Variants in LAMA5 observed in about 807,000 individuals in gnomAD.
The protein encoded by LAMA5 is laminin subunit alpha 5, also known as laminin subunit alpha-5.
LAMA5 carries 260 observed loss-of-function variants against 433.4 expected under a neutral mutation model. The observed-to-expected ratio is 0.60, with a 90% CI of 0.54 to 0.66. The LOEUF is 0.66. LAMA5 is among the 30% of genes least tolerant of loss of function. LAMA5 has a pLI of 0.00. For missense variants in LAMA5, 5,378 were observed against 5,258.5 expected, an observed-to-expected ratio of 1.02 and a Z score of -0.70; for synonymous variants, 2,620 against 2,226.6, an observed-to-expected ratio of 1.18 and a Z score of -4.97.
intron 32 of LAMA5, 74 bp from the exon 33 acceptor site, chr20:62,329,327 G>A: frequency 8.7e-7 from 1 of 1,144,394 alleles, no homozygotes; most frequent in East Asian, 2.4e-5. Flanking sequence ...GGCTGGCTGG[G>A]ACCAGGGTCC....
Position 62,345,877 on chromosome 20 carries a change from G to C in LAMA5, c.1418C>G (p.Pro473Arg). The change falls in exon 11 of 80, where the codon CCG becomes CGG. Residue 473 changes from proline to arginine, a missense_variant and splice_region_variant. Transcript: ENST00000252999. Reference protein sequence around the residue: ...EGFTGFPSCYPTPSSSNDTRE... With the variant: ...EGFTGFPSCYRTPSSSNDTRE... ...GGTGTCATTGGAGGACGAGGGCGTCGCTGAGGGGAAGAGACACGCATGTTG... is the reference window on the plus strand; with the variant it reads ...GGTGTCATTGGAGGACGAGGGCGTCCCTGAGGGGAAGAGACACGCATGTTG... 6.4e-7 allele frequency: 1 copy of C among 1,554,060 alleles called. No individual in the cohort carries two copies. Among genetic ancestry groups the C allele is most frequent in the Non-Finnish European group, 8.7e-7 (1 of 1,148,694 alleles).
At chr20:62,332,520 G>A (rs1292257043) in intron 27 of LAMA5, 37 bp downstream of exon 27, 10 of 1,608,184 alleles carry the variant, frequency 6.2e-6, no homozygotes, top group African/African-American at 1.3e-5. Flanking sequence ...GCAGCCCCGG[G>A]CGTGCCCTTA....
At chr20:62,317,595 T>G in intron 54 of LAMA5, 67 bp downstream of exon 54, 1 of 1,517,484 alleles carries the variant, frequency 6.6e-7, no homozygotes, top group Non-Finnish European at 8.9e-7. Flanking sequence ...CACACAAAGC[T>G]GCCCACGGGC....
Position 62,333,485 on chromosome 20 carries a change from C to CAGGGTGGAGGTGGTGCTG in LAMA5, c.3022-22_3022-5dup, listed in dbSNP as rs746161551. Reference sequence around the variant, plus strand: ...TAGGCAGCAGAACCACGTAGTCCTGCAGGGTGGAGGTGGTGCTGAGAGTGG... The same window carrying CAGGGTGGAGGTGGTGCTG: ...TAGGCAGCAGAACCACGTAGTCCTGCAGGGTGGAGGTGGTGCTGAGGGTGGAGGTGGTGCTGAGAGTGG... On this transcript the variant is annotated splice_region_variant and splice_polypyrimidine_tract_variant and intron_variant, in intron 24 of 79. Coordinates refer to ENST00000252999, the MANE Select transcript of LAMA5 (RefSeq NM_005560.6). 2.5e-6 allele frequency: 4 copies of CAGGGTGGAGGTGGTGCTG among 1,610,304 alleles called. No homozygotes were observed. The highest frequency in any genetic ancestry group is 2.2e-5 in the East Asian group (1 of 44,760).
In LAMA5 at chr20:62,316,082, C is replaced by G. The variant is rs751598864; in HGVS notation, c.7757-24G>C. 5 of 1,546,608 alleles carry G rather than the reference C, an allele frequency of 3.2e-6. No homozygotes were observed. The Admixed American group carries it at 5.2e-5, about 16-fold the overall frequency. ...CACTGCGGGGGAGGCAGCTTCAGCTCCCAGGCAGCTTCACCCCCAGTATAC... is the reference window on the plus strand; with the variant it reads ...CACTGCGGGGGAGGCAGCTTCAGCTGCCAGGCAGCTTCACCCCCAGTATAC... On this transcript the variant is annotated intron_variant, in intron 57 of 79. Transcript: ENST00000252999.
intron 17 of LAMA5, 105 bp from the exon 18 acceptor site, chr20:62,336,550 T>TA: frequency 8.5e-7 from 1 of 1,174,244 alleles, no homozygotes; most frequent in Non-Finnish European, 1.2e-6. Context: ...CTGAGGGCCC[T>TA]CACCTGTGAC....
At chr20:62,354,040 T>C (rs596039) in intron 2 of LAMA5, among the ~76,000 whole-genome samples, 122,634 of 152,032 alleles carry the variant, frequency 0.81, 51,365 homozygotes, top group East Asian at 0.94. Flanking sequence ...TTCCCAGGCC[T>C]CCGAAACCCC....
At chr20:62,309,635 G>GGGTGGGGGGGGGCAGGGGGAGGA (rs1555864631) in intron 79 of LAMA5, 81 bp downstream of exon 79, 1 of 604,260 alleles carries the variant, frequency 1.7e-6, no homozygotes, top group African/African-American at 3.0e-5. Flanking sequence ...AGGGGGTGGA[G>GGGTGGGGGGGGGCAGGGGGAGGA]GGGTGGGGGG....
intron 11 of LAMA5, among the ~76,000 whole-genome samples, chr20:62,341,029 ACT>A (rs1015521941): frequency 1.3e-5 from 2 of 150,414 alleles, no homozygotes; most frequent in African/African-American, 2.5e-5. Flanking sequence ...ACAGAGTGAG[ACT>A]CTGTGTCAAA....
chr20:62,322,478 C>A, intron 46 of LAMA5, 29 bp from the exon 47 acceptor site: 1 of 1,554,228 alleles, frequency 6.4e-7, no homozygotes, highest in Admixed American at 2.0e-5. Flanking sequence ...ACTGCCCTGC[C>A]CAGCCCTCAA....
chr20:62,348,325 C>T (rs141329542), intron 6 of LAMA5, among the ~76,000 whole-genome samples: 144 of 152,314 alleles, frequency 9.5e-4, no homozygotes, highest in African/African-American at 3.3e-3. Context: ...AAAACATAGG[C>T]CGGGCGCAGT....
At chr20:62,339,903 A>T (rs956213590) in intron 11 of LAMA5, among the ~76,000 whole-genome samples, 1 of 152,198 alleles carries the variant, frequency 6.6e-6, no homozygotes, top group African/African-American at 2.4e-5. Context: ...TAAAAACCGA[A>T]GACGTCAGCG....
chr20:62,346,157 G>A lies in LAMA5; in HGVS notation c.1341C>T (p.Cys447=). 1 of 1,613,026 alleles carries A rather than the reference G, an allele frequency of 6.2e-7. No homozygotes were observed. Among genetic ancestry groups the A allele is most frequent in the Non-Finnish European group, 8.5e-7 (1 of 1,179,956 alleles). Residue 447 remains cysteine (C), a synonymous_variant, in exon 10 of 80, where the codon TGC becomes TGT. Coordinates refer to ENST00000252999, the MANE Select transcript of LAMA5 (RefSeq NM_005560.6). ...DGTCEDLTGR[C]YCRPNFSGER... is the part of the protein sequence containing the mutation. ...CCCCAGAGAAGTTGGGCCGGCAGTA[G>A]CATCGACCCGTCAGGTCCTCGCAGG...
At position 62,329,203 on chromosome 20, in the gene LAMA5, C is replaced by G; in HGVS notation, c.4170G>C (p.Arg1390=). Residue 1390 remains arginine (R), a synonymous_variant, in exon 33 of 80, where the codon CGG becomes CGC. Transcript: ENST00000252999. ...CATAGGATTTATCCAGGGGCTCCTCCCGGAGGTAGCCAAAGCTGTAGACGT... is the reference window on the plus strand; with the variant it reads ...CATAGGATTTATCCAGGGGCTCCTCGCGGAGGTAGCCAAAGCTGTAGACGT... ...PENVYSFGYL[R]EEPLDKSYDF... The G allele has an allele frequency of 6.2e-7, 1 of 1,612,822 alleles. No individual in the cohort carries two copies. The highest frequency in any genetic ancestry group is 8.5e-7 in the Non-Finnish European group (1 of 1,179,912).
Position 62,313,944 on chromosome 20 carries a change from G to T in LAMA5, c.8505-142C>A, listed in dbSNP as rs146128738. ...ACGGAGAGACGAGGGGTGGCGAGTG[G>T]GCATGGAGAGACGGGTGGCGAGTGG... On this transcript the variant is annotated intron_variant, in intron 62 of 79. Coordinates refer to ENST00000252999, the MANE Select transcript of LAMA5 (RefSeq NM_005560.6). 3,938 of 810,088 alleles carry T rather than the reference G, an allele frequency of 4.9e-3. 69 individuals carry two copies. The highest frequency in any genetic ancestry group is 5.6e-3 in the Non-Finnish European group (3,072 of 547,408). 50.2% of individuals were successfully genotyped at this position (810,088 alleles called of 1,614,324 possible).
intron 2 of LAMA5, among the ~76,000 whole-genome samples, chr20:62,360,846 G>A (rs1986045517): frequency 6.6e-6 from 1 of 152,088 alleles, no homozygotes; most frequent in Non-Finnish European, 1.5e-5. Flanking sequence ...TTCCAGCCCA[G>A]TTCATACATG....
At chr20:62,337,064 C>T (rs1981763570) in intron 16 of LAMA5, 1 of 644,404 alleles carries the variant, frequency 1.6e-6, no homozygotes, top group African/African-American at 1.8e-5. Flanking sequence ...TGACACACGT[C>T]TGAACAAGCA....
rs555499027 is a variant in LAMA5 at position 62,323,327 on chromosome 20, C to G, written c.6064+129G>C. 3.8e-6 allele frequency: 3 copies of G among 781,344 alleles called. No individual in the cohort carries two copies. In the African/African-American group the frequency reaches 5.3e-5, roughly 14 times the overall value. 48.4% of individuals were successfully genotyped at this position (781,344 alleles called of 1,614,324 possible). A position where few individuals can be genotyped will look rare whatever the true frequency, so the allele number is the denominator to read the frequency against. Reference sequence around the variant, plus strand: ...AAGGGTTGACCATGAACCCAGAAGGCTGGCTCCGACTTGTCCTGGCTGGGC... The same window carrying G: ...AAGGGTTGACCATGAACCCAGAAGGGTGGCTCCGACTTGTCCTGGCTGGGC... On this transcript the variant is annotated intron_variant, in intron 45 of 79. Transcript: ENST00000252999.
chr20:62,343,099 AC>A (rs1463577581), intron 11 of LAMA5, among the ~76,000 whole-genome samples: 1 of 152,156 alleles, frequency 6.6e-6, no homozygotes, highest in African/African-American at 2.4e-5. Context: ...AACGCCGCCA[AC>A]CCCACTCATG....
Sources: gnomAD v4.1 joint callset for allele counts (sites outside exome capture counted in the v4.1 genomes callset) on GRCh38, gnomAD v4.1.1 for gene constraint, MANE v1.5 for transcripts, NCBI Gene and HGNC (gene_info 2026-07-23, HGNC 2026-07-21) for gene names.